Variants in TSHZ2 observed in about 807,000 individuals in gnomAD.
TSHZ2 encodes the protein teashirt homolog 2.
Under a neutral mutation model 74.4 loss-of-function variants are expected in TSHZ2, and 21 were observed. The observed-to-expected ratio is 0.28, with a 90% confidence interval of 0.20 to 0.41. The LOEUF is 0.41. Ranked by LOEUF, TSHZ2 falls within the 10% of genes least tolerant of loss-of-function variation. The pLI, the probability that TSHZ2 is intolerant of heterozygous loss-of-function variation, is 1.00. For synonymous variants in TSHZ2, 540 were observed against 515.3 expected, an observed-to-expected ratio of 1.05 and a Z score of -0.65; for missense variants, 1,244 against 1,293.5, an observed-to-expected ratio of 0.96 and a Z score of 0.59.
At chr20:53,332,206 C>T (rs965665403) in intron 2 of TSHZ2, among the ~76,000 whole-genome samples, 1 of 152,150 alleles carries the variant, frequency 6.6e-6, no homozygotes, top group Non-Finnish European at 1.5e-5. Flanking sequence ...ATCATCATGA[C>T]TGAGCTAAAG....
At position 53,256,401 on chromosome 20, in the gene TSHZ2, A is replaced by G; in HGVS notation, c.2943A>G (p.Pro981=). Residue 981 remains proline (P), a synonymous_variant, in exon 2 of 3, where the codon CCA becomes CCG. Coordinates refer to ENST00000371497, the MANE Select transcript of TSHZ2 (RefSeq NM_173485.6). This position sits in a 1 kb window ranked among gnomAD's most constrained non-coding sequence, Gnocchi z 4.3. Reference sequence around the variant, plus strand: ...GGGTATCGTCGGCTCAGAGGTCTCCAGAAACAATAGCTGCCGAAGAGGACA... The same window carrying G: ...GGGTATCGTCGGCTCAGAGGTCTCCGGAAACAATAGCTGCCGAAGAGGACA... The part of the protein sequence containing the change: ...ISRVSSAQRS[P]ETIAAEEDTD... The G allele has an allele frequency of 6.2e-7, 1 of 1,614,026 alleles. No homozygotes were observed. The highest frequency in any genetic ancestry group is 2.2e-5 in the East Asian group (1 of 44,888).
At chr20:53,003,335 G>A (rs1490056864) in intron 1 of TSHZ2, among the ~76,000 whole-genome samples, 3 of 149,934 alleles carry the variant, frequency 2.0e-5, no homozygotes, top group African/African-American at 7.4e-5. Flanking sequence ...CACCTTCCTC[G>A]CAAGCGCTGG....
intron 2 of TSHZ2, among the ~76,000 whole-genome samples, chr20:53,358,057 C>T (rs915087840): frequency 6.6e-6 from 1 of 152,152 alleles, no homozygotes; most frequent in Non-Finnish European, 1.5e-5. Flanking sequence ...ATTTCATTTT[C>T]ACATGGACGA....
chr20:53,385,290 A>T (rs1428882794), intron 2 of TSHZ2, among the ~76,000 whole-genome samples: 1 of 152,096 alleles, frequency 6.6e-6, no homozygotes, highest in East Asian at 1.9e-4. Flanking sequence ...TTGGAATGTC[A>T]TATTATTGAC....
chr20:53,423,563 G>A (rs186787528), intron 2 of TSHZ2, among the ~76,000 whole-genome samples: 110 of 152,256 alleles, frequency 7.2e-4, no homozygotes, highest in African/African-American at 2.5e-3. Context: ...CCAGGGTAGG[G>A]CCTCAACAAA....
At chr20:53,331,631 T>C (rs769968335) in intron 2 of TSHZ2, among the ~76,000 whole-genome samples, 2 of 152,138 alleles carry the variant, frequency 1.3e-5, no homozygotes, top group Non-Finnish European at 2.9e-5. Context: ...GTGACCACCA[T>C]GGCTCAACGG....
chr20:53,431,395 G>T (rs1245513112), intron 2 of TSHZ2, among the ~76,000 whole-genome samples: 1 of 151,552 alleles, frequency 6.6e-6, no homozygotes, highest in Non-Finnish European at 1.5e-5. Context: ...GGCAGAGGTT[G>T]TGGTGAGCTG....
In TSHZ2 at chr20:53,450,229, G is replaced by A. The variant is rs534927825; in HGVS notation, c.*9-36915G>A. Among the ~76,000 whole-genome samples, 6 of 152,280 alleles carry A rather than the reference G, an allele frequency of 3.9e-5. No homozygotes were observed. In the South Asian group the frequency reaches 8.3e-4, roughly 21 times the overall value. On this transcript the variant is annotated intron_variant, in intron 2 of 2. Transcript: ENST00000371497. ...CTTTTGGCCTGGTCTCTCTTTTGAT[G>A]TCCCCATCTCCCCCTCTTTAAAATA...
intron 2 of TSHZ2, among the ~76,000 whole-genome samples, chr20:53,469,544 AGAAAGAAGGAGGGAAGGAAGGAAGGAAG>A (rs1985690298): frequency 7.2e-6 from 1 of 138,654 alleles, no homozygotes; most frequent in Non-Finnish European, 1.5e-5. Context: ...TGTCAAGAAA[AGAAAGAAGGAGGGAAGGAAGGAAGGAAG>A]GAAGGAAGGA....
intron 1 of TSHZ2, among the ~76,000 whole-genome samples, chr20:52,994,073 G>T (rs1982085914): frequency 6.6e-6 from 1 of 152,216 alleles, no homozygotes; most frequent in Non-Finnish European, 1.5e-5. Context: ...TGAAAGATAA[G>T]TTCCCAGAAA....
At chr20:53,342,520 A>C (rs571457347) in intron 2 of TSHZ2, among the ~76,000 whole-genome samples, 5 of 152,314 alleles carry the variant, frequency 3.3e-5, no homozygotes, top group African/African-American at 9.6e-5. Flanking sequence ...AATAACATCA[A>C]TTCATAGTAA....
At chr20:53,211,486 A>ATTTT (rs1989302145) in intron 1 of TSHZ2, among the ~76,000 whole-genome samples, 1 of 150,870 alleles carries the variant, frequency 6.6e-6, no homozygotes, top group African/African-American at 2.5e-5. Flanking sequence ...GGCCCATCAA[A>ATTTT]GTGTAATAAA....
At chr20:53,152,813 G>A (rs1222811676) in intron 1 of TSHZ2, among the ~76,000 whole-genome samples, 1 of 152,180 alleles carries the variant, frequency 6.6e-6, no homozygotes, top group Non-Finnish European at 1.5e-5. Context: ...CAGAAACTCA[G>A]GGAACTACAG....
chr20:53,271,223 G>A (rs143002363), intron 2 of TSHZ2, among the ~76,000 whole-genome samples: 1 of 152,308 alleles, frequency 6.6e-6, no homozygotes, highest in African/African-American at 2.4e-5. Context: ...TCCTGGAACT[G>A]CTGGAGTCTG....
chr20:53,047,616 C>T (rs1984273512), intron 1 of TSHZ2, among the ~76,000 whole-genome samples: 2 of 151,900 alleles, frequency 1.3e-5, no homozygotes, highest in Non-Finnish European at 2.9e-5. Flanking sequence ...TACCAAGAAA[C>T]AGGAGATCTA....
intron 1 of TSHZ2, among the ~76,000 whole-genome samples, chr20:53,041,213 C>A (rs1287968267): frequency 6.6e-6 from 1 of 152,184 alleles, no homozygotes; most frequent in Non-Finnish European, 1.5e-5. Flanking sequence ...GCCGGGGAGG[C>A]CTTGGCGTTG....
At chr20:53,141,015 CA>C (rs1987386223) in intron 1 of TSHZ2, among the ~76,000 whole-genome samples, 1 of 152,030 alleles carries the variant, frequency 6.6e-6, no homozygotes, top group Non-Finnish European at 1.5e-5. Context: ...ACTGTGGAAA[CA>C]TTATTTAGCA....
At chr20:53,480,442 C>T (rs1986119353) in intron 2 of TSHZ2, among the ~76,000 whole-genome samples, 1 of 151,778 alleles carries the variant, frequency 6.6e-6, no homozygotes, top group Admixed American at 6.6e-5. Flanking sequence ...TGGCATGCGC[C>T]TGTAGTACCA....
intron 1 of TSHZ2, among the ~76,000 whole-genome samples, chr20:52,986,444 T>G (rs1460618175): frequency 6.8e-6 from 1 of 147,214 alleles, no homozygotes. Flanking sequence ...AATAATAATC[T>G]CAGGGCAGGG....
Sources: allele counts gnomAD v4.1 joint callset (sites outside exome capture counted in the v4.1 genomes callset), GRCh38; gene constraint gnomAD v4.1.1; non-coding constraint Gnocchi (gnomAD v3.1); transcripts MANE v1.5; gene names NCBI Gene and HGNC (gene_info 2026-07-23, HGNC 2026-07-21).